RBFOX1: variants seen among roughly 807,000 people sequenced by gnomAD.
RBFOX1 encodes RNA binding fox-1 homolog 1.
Under a neutral mutation model 57.7 loss-of-function variants are expected in RBFOX1, and 8 were observed. That is an observed-to-expected ratio of 0.14 (90% CI 0.08 to 0.25). The LOEUF (loss-of-function observed/expected upper bound fraction) is 0.25. Among genes scored for constraint, RBFOX1 ranks in the 10% least tolerant of loss-of-function variants. The probability of loss-of-function intolerance (pLI) is 1.00; values close to 1 mark genes in which losing one functional copy is unlikely to be tolerated. For synonymous variants in RBFOX1, 326 were observed against 222.4 expected, an observed-to-expected ratio of 1.47 and a Z score of -4.15; for missense variants, 611 against 548.5, an observed-to-expected ratio of 1.11 and a Z score of -1.14.
intron 2 of RBFOX1, among the ~76,000 whole-genome samples, chr16:6,600,174 C>G (rs1399996440): frequency 6.6e-6 from 1 of 152,140 alleles, no homozygotes. Flanking sequence ...ATTATTATTA[C>G]TTTTTGTCTT....
chr16:6,519,981 A>G (rs754548382), intron 2 of RBFOX1, among the ~76,000 whole-genome samples: 3 of 152,174 alleles, frequency 2.0e-5, no homozygotes, highest in Non-Finnish European at 4.4e-5. Context: ...GTATTAAACT[A>G]TCAGTCTGTC....
intron 4 of RBFOX1, among the ~76,000 whole-genome samples, chr16:7,393,040 A>G (rs546240397): frequency 6.6e-6 from 1 of 152,046 alleles, no homozygotes; most frequent in East Asian, 1.9e-4. Context: ...CACCTGGCTA[A>G]TTTTTGCATT....
At chr16:6,529,494 G>C (rs1438835151) in intron 2 of RBFOX1, among the ~76,000 whole-genome samples, 3 of 151,950 alleles carry the variant, frequency 2.0e-5, no homozygotes, top group Non-Finnish European at 4.4e-5. Context: ...AGCAGGCAGA[G>C]GTTGCAGTAA....
intron 6 of RBFOX1, among the ~76,000 whole-genome samples, chr16:7,585,880 G>A (rs771515857): frequency 6.6e-6 from 1 of 152,068 alleles, no homozygotes; most frequent in African/African-American, 2.4e-5. Context: ...CCTGCTTCTT[G>A]TGTGGTCTTT....
rs918582295 is a variant in RBFOX1 at position 6,916,910 on chromosome 16, C to G, written c.-15-135147C>G. Among the ~76,000 whole-genome samples, 9 of 152,210 alleles carry G rather than the reference C, an allele frequency of 5.9e-5. No individual in the cohort carries two copies. In the South Asian group the frequency reaches 1.9e-3, roughly 32 times the overall value. ...TGTTGCCCAGGCTAGAGTGCAGTGA[C>G]ATAATCTCGGCTCACTGCAACCTCC... is the stretch of plus-strand genomic sequence containing the variant. On this transcript the variant is annotated intron_variant, in intron 3 of 15. Transcript: ENST00000550418.
At chr16:5,653,088 G>T (rs2049295111) in intron 3 of RBFOX1, among the ~76,000 whole-genome samples, 1 of 151,362 alleles carries the variant, frequency 6.6e-6, no homozygotes, top group African/African-American at 2.4e-5. Context: ...GTGGGGTGCT[G>T]AGTTGTGTGC....
intron 5 of RBFOX1, among the ~76,000 whole-genome samples, chr16:7,545,746 G>C (rs1308424822): frequency 6.6e-6 from 1 of 152,092 alleles, no homozygotes; most frequent in East Asian, 1.9e-4. Context: ...GAGGTGGAGG[G>C]CAAGGAACTG....
At chr16:7,709,611 T>G in intron 15 of RBFOX1, 1 of 1,532,194 alleles carries the variant, frequency 6.5e-7, no homozygotes, top group Non-Finnish European at 8.7e-7. Context: ...AATTCATGTT[T>G]AAAGTCATAG....
intron 4 of RBFOX1, among the ~76,000 whole-genome samples, chr16:7,133,121 A>G (rs1288637303): frequency 2.0e-5 from 3 of 152,226 alleles, no homozygotes; most frequent in African/African-American, 7.2e-5. Context: ...TGCATCAAAA[A>G]TGCAGGTTTT....
At chr16:7,567,216 C>CAT (rs1310281019) in intron 5 of RBFOX1, among the ~76,000 whole-genome samples, 11 of 111,320 alleles carry the variant, frequency 9.9e-5, no homozygotes, top group African/African-American at 1.7e-4. Flanking sequence ...TATAAATATC[C>CAT]ATATATATAT....
intron 3 of RBFOX1, among the ~76,000 whole-genome samples, chr16:6,920,096 G>A (rs1403083242): frequency 6.6e-6 from 1 of 152,092 alleles, no homozygotes; most frequent in Non-Finnish European, 1.5e-5. Context: ...CATCCAAGTT[G>A]CTGCATAGGC....
intron 3 of RBFOX1, among the ~76,000 whole-genome samples, chr16:6,902,403 C>T (rs2068713153): frequency 1.3e-5 from 2 of 152,106 alleles, no homozygotes; most frequent in African/African-American, 4.8e-5. Flanking sequence ...GAAAGTCTTC[C>T]AGGCCATACT....
chr16:6,579,387 T>C (rs2097499558), intron 2 of RBFOX1, among the ~76,000 whole-genome samples: 1 of 152,026 alleles, frequency 6.6e-6, no homozygotes, highest in Admixed American at 6.5e-5. Context: ...TGGCTTTGTG[T>C]CTCCACCCAA....
intron 14 of RBFOX1, among the ~76,000 whole-genome samples, chr16:7,705,928 C>T (rs1364133722): frequency 6.6e-6 from 1 of 152,164 alleles, no homozygotes; most frequent in African/African-American, 2.4e-5. Flanking sequence ...CACTACTGCC[C>T]ACTTTGGCCA....
chr16:6,528,831 C>T (rs995777172), intron 2 of RBFOX1, among the ~76,000 whole-genome samples: 1 of 152,180 alleles, frequency 6.6e-6, no homozygotes, highest in African/African-American at 2.4e-5. Context: ...ACCTCCCATC[C>T]AAGGCCAGGT....
chr16:7,707,129 C>G (rs2082716988), intron 14 of RBFOX1, among the ~76,000 whole-genome samples: 2 of 152,198 alleles, frequency 1.3e-5, no homozygotes, highest in African/African-American at 4.8e-5. Context: ...GGAGAATCCT[C>G]TTGAAGCTGA....
intron 2 of RBFOX1, among the ~76,000 whole-genome samples, chr16:6,457,096 T>G (rs4380059): frequency 0.8 from 121,067 of 151,650 alleles, 48,418 homozygotes; most frequent in Middle Eastern, 0.87. Flanking sequence ...ATTGATGGAG[T>G]CCTCTAGGTA....
chr16:5,791,312 G>A (rs574977769), intron 3 of RBFOX1, among the ~76,000 whole-genome samples: 3 of 152,296 alleles, frequency 2.0e-5, no homozygotes, highest in South Asian at 2.1e-4. Context: ...AAAGATCAAT[G>A]CAATGCTATT....
chr16:6,620,544 A>G (rs182872796), intron 2 of RBFOX1, among the ~76,000 whole-genome samples: 35 of 152,324 alleles, frequency 2.3e-4, no homozygotes, highest in African/African-American at 5.5e-4. Context: ...CAAAAGATCA[A>G]TGAATCCGGG....
Sources: gnomAD v4.1 joint callset for allele counts (sites outside exome capture counted in the v4.1 genomes callset) on GRCh38, gnomAD v4.1.1 for gene constraint, MANE v1.5 for transcripts, NCBI Gene and HGNC (gene_info 2026-07-23, HGNC 2026-07-21) for gene names.